The following COL5A1 variants were observed in gnomAD, a reference collection of about 807,000 sequenced individuals.
COL5A1 encodes collagen type V alpha 1 chain.
Under a neutral mutation model 263.7 loss-of-function variants are expected in COL5A1, and 16 were observed. The observed-to-expected ratio is 0.06, with a 90% CI of 0.04 to 0.09. The LOEUF (loss-of-function observed/expected upper bound fraction) is 0.09, where lower values mean the gene tolerates loss of function less well. Ranked by LOEUF, COL5A1 falls within the 10% of genes least tolerant of loss-of-function variation. COL5A1 has a pLI of 1.00. For synonymous variants in COL5A1, 1,012 were observed against 1,004.5 expected (o/e 1.01, Z -0.14); for missense variants, 2,036 against 2,540.5 (o/e 0.80, Z 4.27).
chr9:134,701,120 G>A (rs747023769), intron 3 of COL5A1, 51 bp from the exon 4 acceptor site: 2 of 1,602,592 alleles, frequency 1.2e-6, no homozygotes, highest in African/African-American at 1.3e-5. Flanking sequence ...AAAATTGCTT[G>A]AGCTGGCATC....
chr9:134,824,710 C>T lies in COL5A1; in HGVS notation c.4809C>T (p.Asp1603=). Residue 1603 remains aspartate, a synonymous_variant, in exon 62 of 66, where the codon GAC becomes GAT. Coordinates refer to ENST00000371817, the MANE Select transcript of COL5A1 (RefSeq NM_000093.5). ...ACGGGAATGGCGAGAACTACGTGGA[C>T]TACGCGGACGGCATGGAAGAGATCT... ...LDDGNGENYV[D]YADGMEEIFG... The T allele has an allele frequency of 6.2e-7, 1 of 1,614,248 alleles. No individual in the cohort carries two copies. Among genetic ancestry groups the T allele is most frequent in the Middle Eastern group, 1.6e-4 (1 of 6,062 alleles).
rs967235325 is a variant in COL5A1, at chr9:134,703,860, C to T, written c.654+2527C>T. Among the ~76,000 whole-genome samples the T allele has an allele frequency of 2.6e-5, 4 of 151,836 alleles. No individual in the cohort carries two copies. The East Asian group carries it at 5.8e-4, about 22-fold the overall frequency. ...TTCACTGTGTTAGCCAGGATGGTCT[C>T]GATCTCCTGACCTTGTGATCCGCCC... is the stretch of plus-strand genomic sequence containing the variant. On this transcript the variant is annotated intron_variant, in intron 4 of 65. Coordinates refer to ENST00000371817, the MANE Select transcript of COL5A1 (RefSeq NM_000093.5).
chr9:134,760,324 A>AC (rs1161560920), intron 18 of COL5A1, among the ~76,000 whole-genome samples: 1 of 59,580 alleles, frequency 1.7e-5, no homozygotes, highest in Non-Finnish European at 2.9e-5. Flanking sequence ...ACATGCACAC[A>AC]CCACACATGC....
At chr9:134,828,873 TCACACACAGAC>T (rs545414409) in intron 63 of COL5A1, among the ~76,000 whole-genome samples, 19 of 148,968 alleles carry the variant, frequency 1.3e-4, no homozygotes, top group African/African-American at 4.5e-4. Context: ...ACACCACACA[TCACACACAGAC>T]CACACATTAT....
chr9:134,656,257 G>A (rs1282780789), intron 1 of COL5A1, among the ~76,000 whole-genome samples: 1 of 152,208 alleles, frequency 6.6e-6, no homozygotes, highest in African/African-American at 2.4e-5. Context: ...TCTGAGCAGA[G>A]GAGGGTGGGG....
At chr9:134,759,866 A>C (rs1284645143) in intron 18 of COL5A1, among the ~76,000 whole-genome samples, 1 of 55,798 alleles carries the variant, frequency 1.8e-5, no homozygotes, top group Non-Finnish European at 3.1e-5. Context: ...CCCCACACTC[A>C]CACATGCACA....
In COL5A1 at chr9:134,842,114, C is replaced by T; in HGVS notation, c.5371-43C>T. 1 of 1,612,758 alleles carries T rather than the reference C, an allele frequency of 6.2e-7. No homozygotes were observed. ...GGTGATTGGTAAACCCCAAGACCCCCAACTGTTCTTAACCACCGGCCATCT... is the reference window on the plus strand; with the variant it reads ...GGTGATTGGTAAACCCCAAGACCCCTAACTGTTCTTAACCACCGGCCATCT... On this transcript the variant is annotated intron_variant, in intron 65 of 65. Transcript: ENST00000371817. This position sits in a 1 kb window ranked among gnomAD's most constrained non-coding sequence, Gnocchi z 5.8.
chr9:134,789,067 T>C lies in COL5A1; in HGVS notation c.2647-88T>C. 8.6e-7 allele frequency: 1 copy of C among 1,159,326 alleles called. No homozygotes were observed. The highest frequency in any genetic ancestry group is 1.3e-6 in the Non-Finnish European group (1 of 778,388). 71.8% of individuals were successfully genotyped at this position (1,159,326 alleles called of 1,614,324 possible). ...GGAGTCTGGGGCAGAGGCTGTGCAC[T>C]GGCATGCAGGTGGTCCCCCAGGCGG... is the stretch of plus-strand genomic sequence containing the variant. On this transcript the variant is annotated intron_variant, in intron 31 of 65. Transcript: ENST00000371817. This position sits in a 1 kb window ranked among gnomAD's most constrained non-coding sequence, Gnocchi z 4.8.
intron 65 of COL5A1, among the ~76,000 whole-genome samples, chr9:134,836,087 G>C (rs538806370): frequency 6.6e-6 from 1 of 152,314 alleles, no homozygotes; most frequent in South Asian, 2.1e-4. Context: ...GAGACCTGCG[G>C]AAAGCAGCCC....
chr9:134,837,692 G>A (rs1031435234), intron 65 of COL5A1, among the ~76,000 whole-genome samples: 4 of 151,710 alleles, frequency 2.6e-5, no homozygotes, highest in Non-Finnish European at 4.4e-5. Context: ...CGGTGATGAG[G>A]GTGTGCTGTT....
At chr9:134,737,452 A>G (rs1471921059) in intron 9 of COL5A1, among the ~76,000 whole-genome samples, 3 of 152,188 alleles carry the variant, frequency 2.0e-5, no homozygotes, top group Non-Finnish European at 4.4e-5. Context: ...GTGGTCCCCC[A>G]GGTCCTAGCT....
intron 11 of COL5A1, among the ~76,000 whole-genome samples, 192 bp downstream of exon 11, chr9:134,739,000 G>C (rs1169557703): frequency 6.6e-6 from 1 of 152,322 alleles, no homozygotes; most frequent in East Asian, 1.9e-4. Context: ...TGTGGCTATG[G>C]GGAGAGTGGG....
chr9:134,756,700 A>G (rs906902875), intron 16 of COL5A1, 65 bp from the exon 17 acceptor site: 16 of 1,550,374 alleles, frequency 1.0e-5, no homozygotes, highest in Non-Finnish European at 1.4e-5. Context: ...ACGGAAAACC[A>G]TGGCCCGGGG....
intron 39 of COL5A1, among the ~76,000 whole-genome samples, chr9:134,804,731 A>G (rs1838233317): frequency 6.6e-6 from 1 of 152,170 alleles, no homozygotes. Flanking sequence ...GCCCAATCCA[A>G]CCCAAGTCCA....
chr9:134,649,547 G>A (rs1170751818), intron 1 of COL5A1: 1 of 470,060 alleles, frequency 2.1e-6, no homozygotes, highest in Admixed American at 2.4e-5. Flanking sequence ...TCCTTGCCAG[G>A]ACCTCGGCAA....
chr9:134,816,966 G>C, intron 52 of COL5A1, 60 bp from the exon 53 acceptor site: 1 of 1,461,550 alleles, frequency 6.8e-7, no homozygotes, highest in Admixed American at 1.7e-5. Flanking sequence ...CATGTGTTTT[G>C]CCTCAATTGA....
Position 134,765,459 on chromosome 9 carries a change from C to T in COL5A1, c.2035-222C>T, listed in dbSNP as rs1411942732. Among the ~76,000 whole-genome samples the T allele has an allele frequency of 1.3e-5, 2 of 152,008 alleles. No individual in the cohort carries two copies. The highest frequency in any genetic ancestry group is 4.8e-5 in the African/African-American group (2 of 41,382). On this transcript the variant is annotated intron_variant, in intron 20 of 65. Coordinates refer to ENST00000371817, the MANE Select transcript of COL5A1 (RefSeq NM_000093.5). This position sits in a 1 kb window ranked among gnomAD's most constrained non-coding sequence, Gnocchi z 5.1. Reference sequence around the variant, plus strand: ...TGTGGTGTCCTCTCTGAGTTCTCACCAATTCCAGACACCTGCCCCTGGTTC... The same window carrying T: ...TGTGGTGTCCTCTCTGAGTTCTCACTAATTCCAGACACCTGCCCCTGGTTC...
intron 9 of COL5A1, among the ~76,000 whole-genome samples, chr9:134,736,093 CTG>C (rs1178272944): frequency 2.0e-5 from 3 of 152,244 alleles, no homozygotes; most frequent in South Asian, 2.1e-4. Context: ...CTGCAGCCCC[CTG>C]GCCGGGAGTC....
At chr9:134,812,825 G>A in intron 48 of COL5A1, 113 bp downstream of exon 48, 1 of 789,870 alleles carries the variant, frequency 1.3e-6, no homozygotes, top group Non-Finnish European at 2.2e-6. Flanking sequence ...CACGCTTGTG[G>A]GGGTGCATAC....
Sources: gnomAD v4.1 joint callset for allele counts (sites outside exome capture counted in the v4.1 genomes callset) on GRCh38, gnomAD v4.1.1 for gene constraint, Gnocchi (gnomAD v3.1) non-coding constraint, MANE v1.5 for transcripts, NCBI Gene and HGNC (gene_info 2026-07-23, HGNC 2026-07-21) for gene names.